The following PIK3C2G variants were observed in gnomAD, a reference collection of about 807,000 sequenced individuals.
PIK3C2G encodes phosphatidylinositol 3-kinase C2 domain-containing subunit gamma.
PIK3C2G carries 168 observed loss-of-function variants against 181.1 expected under a neutral mutation model. The observed-to-expected ratio is 0.93, with a 90% confidence interval of 0.82 to 1.05. The LOEUF (loss-of-function observed/expected upper bound fraction) is 1.05, where lower values mean the gene tolerates loss of function less well. PIK3C2G is among the 50% of genes least tolerant of loss of function. PIK3C2G has a pLI of 0.00. For synonymous variants in PIK3C2G, 573 were observed against 592.2 expected (o/e 0.97, Z 0.47); for missense variants, 1,869 against 1,732.8 (o/e 1.08, Z -1.40).
At chr12:18,567,806 G>A (rs920050620) in intron 29 of PIK3C2G, among the ~76,000 whole-genome samples, 2 of 152,220 alleles carry the variant, frequency 1.3e-5, no homozygotes, top group South Asian at 2.1e-4. Flanking sequence ...CACACACCTG[G>A]TGGCTTTAAA....
At chr12:18,712,104 C>A in the PIK3C2G span, among the ~76,000 whole-genome samples, 5 of 151,940 alleles carry the variant, frequency 3.3e-5, no homozygotes, top group Non-Finnish European at 7.4e-5. Context: ...AGTTTTAGTA[C>A]GTAGTAAGAA....
intron 11 of PIK3C2G, among the ~76,000 whole-genome samples, chr12:18,355,853 C>A (rs1940679624): frequency 6.6e-6 from 1 of 152,166 alleles, no homozygotes; most frequent in Admixed American, 6.5e-5. Context: ...TGCCTAGTAT[C>A]ATTGCTGCTG....
At chr12:18,463,289 G>A (rs574494667) in intron 18 of PIK3C2G, among the ~76,000 whole-genome samples, 1 of 152,208 alleles carries the variant, frequency 6.6e-6, no homozygotes, top group Admixed American at 6.5e-5. Flanking sequence ...ACCAATTTTA[G>A]TAACATATCT....
chr12:18,585,803 A>C (rs1040370127), intron 29 of PIK3C2G, among the ~76,000 whole-genome samples: 1 of 152,300 alleles, frequency 6.6e-6, no homozygotes, highest in Middle Eastern at 3.4e-3. Flanking sequence ...TGGACAAATA[A>C]CAATGCTCAG....
intron 16 of PIK3C2G, among the ~76,000 whole-genome samples, chr12:18,418,117 T>C (rs1048505133): frequency 2.6e-5 from 4 of 152,208 alleles, no homozygotes; most frequent in African/African-American, 4.8e-5. Flanking sequence ...CATTGAACAA[T>C]CCTCATCTTC....
chr12:18,403,481 C>A (rs2138153586), intron 16 of PIK3C2G, among the ~76,000 whole-genome samples: 1 of 152,262 alleles, frequency 6.6e-6, no homozygotes, highest in Admixed American at 6.5e-5. Context: ...TTTCTGAGAA[C>A]AAACAGTATG....
chr12:18,364,640 A>G (rs1374663090), intron 12 of PIK3C2G, among the ~76,000 whole-genome samples: 1 of 152,136 alleles, frequency 6.6e-6, no homozygotes, highest in African/African-American at 2.4e-5. Flanking sequence ...GGCCACATCT[A>G]TAATCCCAAC....
At chr12:18,376,743 G>A (rs539052662) in intron 13 of PIK3C2G, among the ~76,000 whole-genome samples, 17 of 152,232 alleles carry the variant, frequency 1.1e-4, no homozygotes, top group African/African-American at 4.1e-4. Context: ...TTGGCTTGTG[G>A]CTGTCCTTGA....
intron 25 of PIK3C2G, among the ~76,000 whole-genome samples, chr12:18,543,343 C>G (rs1037507633): frequency 4.6e-5 from 7 of 151,738 alleles, no homozygotes; most frequent in African/African-American, 1.7e-4. Flanking sequence ...TGTAGGTTGC[C>G]CGTTTACTCC....
intron 12 of PIK3C2G, 77 bp from the exon 13 acceptor site, chr12:18,371,103 A>G: frequency 8.4e-7 from 1 of 1,195,692 alleles, no homozygotes; most frequent in Non-Finnish European, 1.1e-6. Flanking sequence ...GTCCCAGACC[A>G]GTACATTATA....
chr12:18,491,053 A>C (rs192666623), intron 19 of PIK3C2G, among the ~76,000 whole-genome samples: 66 of 152,276 alleles, frequency 4.3e-4, no homozygotes, highest in African/African-American at 1.5e-3. Flanking sequence ...TAATTTTGAG[A>C]GTCACAAACT....
At chr12:18,406,081 TTA>T (rs1197989735) in intron 16 of PIK3C2G, among the ~76,000 whole-genome samples, 56 of 152,270 alleles carry the variant, frequency 3.7e-4, no homozygotes, top group Admixed American at 9.2e-4. Flanking sequence ...CATTCCGTTT[TTA>T]TGACACTGAC....
At chr12:18,339,349 C>T (rs1938893618) in intron 9 of PIK3C2G, among the ~76,000 whole-genome samples, 1 of 151,942 alleles carries the variant, frequency 6.6e-6, no homozygotes, top group Non-Finnish European at 1.5e-5. Context: ...TTTATTTTAT[C>T]TCAATAGATG....
chr12:18,716,438 C>A, the PIK3C2G span, among the ~76,000 whole-genome samples: 1 of 152,180 alleles, frequency 6.6e-6, no homozygotes, highest in Non-Finnish European at 1.5e-5. Flanking sequence ...GTCATGCCAA[C>A]CACTTACATG....
chr12:18,331,020 A>G (rs1488698148), intron 8 of PIK3C2G, among the ~76,000 whole-genome samples: 1 of 152,086 alleles, frequency 6.6e-6, no homozygotes, highest in African/African-American at 2.4e-5. Context: ...TTTTAGTTTT[A>G]GCTGTTCTTT....
At chr12:18,384,311 G>T (rs1308478400) in intron 14 of PIK3C2G, among the ~76,000 whole-genome samples, 2 of 152,278 alleles carry the variant, frequency 1.3e-5, no homozygotes, top group Admixed American at 1.3e-4. Context: ...AATATCTTCA[G>T]TTTTAAGAAT....
At chr12:18,648,946 GA>G (rs376630221), downstream of PIK3C2G, among the ~76,000 whole-genome samples, 1,286 of 151,922 alleles carry the variant, frequency 8.5e-3, 24 homozygotes, top group African/African-American at 0.029. Context: ...GTGTATGAAT[GA>G]AAAAAAATCT....
intron 5 of PIK3C2G, among the ~76,000 whole-genome samples, chr12:18,313,750 A>G (rs1950737138): frequency 6.6e-6 from 1 of 152,010 alleles, no homozygotes; most frequent in African/African-American, 2.4e-5. Context: ...CTATATATCT[A>G]TATTTCCTGT....
chr12:18,341,107 G>A (rs1041229110), intron 9 of PIK3C2G, among the ~76,000 whole-genome samples: 17 of 152,110 alleles, frequency 1.1e-4, no homozygotes, highest in African/African-American at 2.9e-4. Flanking sequence ...ACCAAACAAC[G>A]AGGAAAATAT....
Sources: gnomAD v4.1 joint callset for allele counts (sites outside exome capture counted in the v4.1 genomes callset) on GRCh38, gnomAD v4.1.1 for gene constraint, MANE v1.5 for transcripts, NCBI Gene and HGNC (gene_info 2026-07-23, HGNC 2026-07-21) for gene names.